The following TMEM144 variants were observed in gnomAD, a reference collection of about 807,000 sequenced individuals.
The protein encoded by TMEM144 is transmembrane protein 144.
In TMEM144, 39 loss-of-function variants were observed where a neutral mutation model predicts 43.6. The observed-to-expected ratio is 0.90, with a 90% confidence interval of 0.69 to 1.17. The LOEUF (loss-of-function observed/expected upper bound fraction) is 1.17. Ranked by LOEUF, TMEM144 falls within the 50% of genes most tolerant of loss-of-function variation. The pLI is 0.00. For synonymous variants in TMEM144, 154 were observed against 133.6 expected (o/e 1.15, Z -1.06); for missense variants, 417 against 411.9 (o/e 1.01, Z -0.11).
Position 158,253,313 on chromosome 4 carries a change from G to T in TMEM144, c.955-131G>T, listed in dbSNP as rs1340085745. On this transcript the variant is annotated intron_variant, in intron 12 of 12. Coordinates refer to ENST00000296529, the MANE Select transcript of TMEM144 (RefSeq NM_018342.5). ...GGGGTTTGTGAGAACCTGATTACTT[G>T]GAAGGGGTAGCAAAAAAGGGTACAG... is the stretch of plus-strand genomic sequence containing the variant. The T allele has an allele frequency of 4.5e-5, 30 of 664,994 alleles. No individual in the cohort carries two copies. In the East Asian group the frequency reaches 7.5e-4, roughly 17 times the overall value. The allele number at this position is 664,994 out of a possible 1,614,324, so 41.2% of individuals were successfully genotyped here.
intron 9 of TMEM144, 106 bp downstream of exon 9, chr4:158,237,749 C>T: frequency 1.3e-6 from 1 of 782,776 alleles, no homozygotes. Context: ...CTTTCTTTGT[C>T]CTTGTAAGTG....
Position 158,219,335 on chromosome 4 carries a change from G to C in TMEM144, c.358G>C (p.Glu120Gln), listed in dbSNP as rs754262235. 2 of 1,613,800 alleles carry C rather than the reference G, an allele frequency of 1.2e-6. No homozygotes were observed. The highest frequency in any genetic ancestry group is 1.7e-6 in the Non-Finnish European group (2 of 1,179,776). ...SRFGWFGLDA[E>Q]EVSNPLLNYI... Reference sequence around the variant, plus strand: ...GTTTGGCTGGTTTGGATTGGATGCAGAAGAAGTATCAAATCCGCTGCTAAA... The same window carrying C: ...GTTTGGCTGGTTTGGATTGGATGCACAAGAAGTATCAAATCCGCTGCTAAA... The change falls in exon 6 of 13, where the codon GAA (glutamate) becomes CAA (glutamine). Residue 120 changes from glutamate (E) to glutamine (Q), a missense_variant. Coordinates refer to ENST00000296529, the MANE Select transcript of TMEM144 (RefSeq NM_018342.5).
At chr4:158,219,237 A>C in intron 5 of TMEM144, 73 bp from the exon 6 acceptor site, 1 of 1,452,034 alleles carries the variant, frequency 6.9e-7, no homozygotes, top group Non-Finnish European at 9.6e-7. Flanking sequence ...TCTGGCCCCT[A>C]GTCCATGCCC....
At chr4:158,251,454 G>A (rs924134153) in intron 12 of TMEM144, among the ~76,000 whole-genome samples, 6 of 152,154 alleles carry the variant, frequency 3.9e-5, no homozygotes, top group African/African-American at 1.4e-4. Flanking sequence ...AATACAGGGT[G>A]GTCACAGATT....
At chr4:158,221,888 A>G (rs555951632) in intron 6 of TMEM144, among the ~76,000 whole-genome samples, 1 of 152,194 alleles carries the variant, frequency 6.6e-6, no homozygotes, top group Non-Finnish European at 1.5e-5. Context: ...CACTTTGCCA[A>G]CACTAAACCA....
chr4:158,232,146 A>G (rs533045994), intron 6 of TMEM144, among the ~76,000 whole-genome samples: 99 of 152,386 alleles, frequency 6.5e-4, no homozygotes, highest in Admixed American at 1.0e-3. Flanking sequence ...ACAAATTTGC[A>G]TGGCTTAAAA....
chr4:158,215,488 C>T (rs2111101859), intron 4 of TMEM144, among the ~76,000 whole-genome samples, 175 bp downstream of exon 4: 1 of 152,178 alleles, frequency 6.6e-6, no homozygotes, highest in East Asian at 1.9e-4. Flanking sequence ...TGGTGCCTTA[C>T]CTGATTTGTT....
chr4:158,221,576 G>C (rs760474179), intron 6 of TMEM144, among the ~76,000 whole-genome samples: 1 of 152,070 alleles, frequency 6.6e-6, no homozygotes, highest in Non-Finnish European at 1.5e-5. Context: ...TCTATAACAA[G>C]ACAGATGTCC....
In TMEM144 at chr4:158,219,394, C is replaced by A. The variant is rs1440879660; in HGVS notation, c.413+4C>A. On this transcript the variant is annotated splice_donor_region_variant and intron_variant, in intron 6 of 12. Transcript: ENST00000296529. ...GAGCTGGGCTATCAGTAGTAAGGTACACAGTCATTTCTAGTGATTTTGCTG... is the reference window on the plus strand; with the variant it reads ...GAGCTGGGCTATCAGTAGTAAGGTAAACAGTCATTTCTAGTGATTTTGCTG... 1.9e-6 allele frequency: 3 copies of A among 1,611,962 alleles called. No homozygotes were observed. The highest frequency in any genetic ancestry group is 2.5e-6 in the Non-Finnish European group (3 of 1,178,446).
At chr4:158,243,852 A>G (rs902536316) in intron 11 of TMEM144, among the ~76,000 whole-genome samples, 1 of 152,222 alleles carries the variant, frequency 6.6e-6, no homozygotes, top group Non-Finnish European at 1.5e-5. Context: ...TTCCACAAGT[A>G]CATTATTTGT....
At chr4:158,218,457 C>T (rs189966592) in intron 5 of TMEM144, among the ~76,000 whole-genome samples, 38 of 152,188 alleles carry the variant, frequency 2.5e-4, no homozygotes, top group African/African-American at 7.2e-4. Context: ...TACTAACTTC[C>T]AATACATTCT....
chr4:158,244,356 AC>A lies in TMEM144; in HGVS notation c.954+8del. 1 of 1,608,614 alleles carries A rather than the reference AC, an allele frequency of 6.2e-7. No homozygotes were observed. Among genetic ancestry groups the A allele is most frequent in the East Asian group, 2.2e-5 (1 of 44,526 alleles). On this transcript the variant is annotated splice_region_variant and intron_variant, in intron 12 of 12. Transcript: ENST00000296529. The stretch of plus-strand genomic sequence containing the variant: ...CATGTTTAAGGAAATAAAGGTATGT[AC>A]AAGAAAGGGCAGACTTAGAAAATGG...
intron 12 of TMEM144, 72 bp from the exon 13 acceptor site, chr4:158,253,372 C>T: frequency 1.5e-6 from 2 of 1,332,722 alleles, no homozygotes; most frequent in Non-Finnish European, 2.1e-6. Context: ...CCCTAGCAAT[C>T]TTGAGAGTCT....
At chr4:158,250,639 T>C (rs1195198825) in intron 12 of TMEM144, among the ~76,000 whole-genome samples, 2 of 152,170 alleles carry the variant, frequency 1.3e-5, no homozygotes, top group African/African-American at 4.8e-5. Flanking sequence ...ACCCCTTGCA[T>C]CTATGCTGGG....
At chr4:158,245,242 GTGTGTGTGTGTGTGTGTGTGTA>G (rs1180623255) in intron 12 of TMEM144, among the ~76,000 whole-genome samples, 35 of 102,972 alleles carry the variant, frequency 3.4e-4, no homozygotes, top group South Asian at 6.1e-4. Flanking sequence ...GTGTGTGTGT[GTGTGTGTGTGTGTGTGTGTGTA>G]TGTATGTTTT....
rs532746024 is a variant in TMEM144 at position 158,244,339 on chromosome 4, A to C, written c.944A>C (p.Lys315Thr). ...GCAATGTGGGGTATCTTCATGTTTAAGGAAATAAAGGTATGTACAAGAAAG... is the reference window on the plus strand; with the variant it reads ...GCAATGTGGGGTATCTTCATGTTTACGGAAATAAAGGTATGTACAAGAAAG... Reference protein sequence around the residue: ...IAAMWGIFMFKEIKGLQNYLL... With the variant: ...IAAMWGIFMFTEIKGLQNYLL... The change falls in exon 12 of 13, where the codon AAG (lysine) becomes ACG (threonine). Residue 315 changes from lysine (K) to threonine (T), a missense_variant. Lys to Thr is a moderately conservative substitution (Grantham distance 78). Transcript: ENST00000296529. The C allele has an allele frequency of 6.2e-7, 1 of 1,609,186 alleles. No individual in the cohort carries two copies. Among genetic ancestry groups the C allele is most frequent in the Non-Finnish European group, 8.5e-7 (1 of 1,177,316 alleles).
At chr4:158,238,346 G>A (rs910545236) in intron 9 of TMEM144, among the ~76,000 whole-genome samples, 10 of 152,192 alleles carry the variant, frequency 6.6e-5, no homozygotes, top group Non-Finnish European at 1.3e-4. Context: ...GAGGGCAAAA[G>A]TCGTGAGGGA....
intron 6 of TMEM144, among the ~76,000 whole-genome samples, chr4:158,224,629 T>C (rs1198468485): frequency 2.0e-5 from 3 of 152,160 alleles, no homozygotes; most frequent in Admixed American, 6.5e-5. Context: ...CTCAGTGACT[T>C]GATGTATACA....
At chr4:158,232,474 CTGTG>C (rs568732843) in intron 6 of TMEM144, among the ~76,000 whole-genome samples, 1 of 152,230 alleles carries the variant, frequency 6.6e-6, no homozygotes, top group Non-Finnish European at 1.5e-5. Flanking sequence ...AGATTCTCCT[CTGTG>C]TGAGTTATAC....
Sources: allele counts gnomAD v4.1 joint callset (sites outside exome capture counted in the v4.1 genomes callset), GRCh38; gene constraint gnomAD v4.1.1; transcripts MANE v1.5; gene names NCBI Gene and HGNC (gene_info 2026-07-23, HGNC 2026-07-21).